Variants in FHIT observed in about 807,000 individuals in gnomAD.
The protein encoded by FHIT is bis(5'-adenosyl)-triphosphatase.
Under a neutral mutation model 17.9 loss-of-function variants are expected in FHIT, and 19 were observed. The ratio of observed to expected loss-of-function variants is 1.06; its 90% CI spans 0.74 to 1.56. The LOEUF is 1.56. FHIT is among the 40% of genes most tolerant of loss of function. The probability of loss-of-function intolerance (pLI) is 0.00; values close to 1 mark genes in which losing one functional copy is unlikely to be tolerated. For missense variants in FHIT, 248 were observed against 189.2 expected (o/e 1.31, Z -1.82); for synonymous variants, 81 against 69.7 (o/e 1.16, Z -0.81).
At chr3:59,983,191 A>T (rs1174954829) in intron 7 of FHIT, among the ~76,000 whole-genome samples, 1 of 152,028 alleles carries the variant, frequency 6.6e-6, no homozygotes, top group Non-Finnish European at 1.5e-5. Flanking sequence ...GGCCCACCTC[A>T]GTCTCCCAAA....
chr3:60,174,866 C>T (rs950961238), intron 5 of FHIT, among the ~76,000 whole-genome samples: 1 of 152,100 alleles, frequency 6.6e-6, no homozygotes, highest in Admixed American at 6.5e-5. Context: ...CTTTCTGTCT[C>T]TATGGATTTA....
intron 8 of FHIT, among the ~76,000 whole-genome samples, chr3:59,828,250 C>A (rs1355232097): frequency 6.6e-6 from 1 of 152,256 alleles, no homozygotes. Context: ...TCATCAGAAA[C>A]AAGAAACAAA....
At chr3:61,114,722 T>C (rs975033508) in intron 2 of FHIT, among the ~76,000 whole-genome samples, 1 of 152,188 alleles carries the variant, frequency 6.6e-6, no homozygotes, top group Non-Finnish European at 1.5e-5. Context: ...AATTTTTTTT[T>C]ACGTGTTCCC....
chr3:60,498,767 G>A (rs2034405446), intron 5 of FHIT, among the ~76,000 whole-genome samples: 2 of 152,010 alleles, frequency 1.3e-5, no homozygotes, highest in Non-Finnish European at 2.9e-5. Context: ...TCTAGGACCT[G>A]TGAAATAAAA....
At chr3:59,796,925 A>C (rs1559614239) in intron 8 of FHIT, among the ~76,000 whole-genome samples, 1 of 152,212 alleles carries the variant, frequency 6.6e-6, no homozygotes, top group African/African-American at 2.4e-5. Flanking sequence ...TCAAACTTTC[A>C]ATGGTACTTC....
intron 4 of FHIT, among the ~76,000 whole-genome samples, chr3:60,650,601 A>G (rs777439527): frequency 2.6e-5 from 4 of 152,208 alleles, no homozygotes; most frequent in Non-Finnish European, 5.9e-5. Flanking sequence ...ATCTAACATA[A>G]TGTACTAGTT....
intron 5 of FHIT, among the ~76,000 whole-genome samples, chr3:60,148,103 A>G (rs1375873014): frequency 1.3e-5 from 2 of 152,204 alleles, no homozygotes; most frequent in South Asian, 4.1e-4. Context: ...CAAAATACTA[A>G]TATTTACTGC....
At chr3:60,007,220 AT>A (rs1473574036) in intron 7 of FHIT, among the ~76,000 whole-genome samples, 5 of 152,308 alleles carry the variant, frequency 3.3e-5, no homozygotes, top group Admixed American at 2.0e-4. Flanking sequence ...CATTTAACTT[AT>A]TAAGCAGCAT....
At chr3:61,151,503 T>C (rs1453817694) in intron 2 of FHIT, among the ~76,000 whole-genome samples, 1 of 152,132 alleles carries the variant, frequency 6.6e-6, no homozygotes, top group Non-Finnish European at 1.5e-5. Context: ...TTTATTCTAG[T>C]ATCCCTCAAA....
chr3:60,371,818 C>T (rs945563930), intron 5 of FHIT, among the ~76,000 whole-genome samples: 5 of 146,260 alleles, frequency 3.4e-5, no homozygotes, highest in Non-Finnish European at 7.4e-5. Flanking sequence ...AGAAGTTAAC[C>T]TCATTTTAGC....
intron 4 of FHIT, among the ~76,000 whole-genome samples, chr3:60,580,745 C>T (rs1434895787): frequency 6.6e-6 from 1 of 152,020 alleles, no homozygotes; most frequent in Non-Finnish European, 1.5e-5. Flanking sequence ...AAGTTTCTTC[C>T]ATTACAGGTT....
intron 5 of FHIT, among the ~76,000 whole-genome samples, chr3:60,453,566 T>C (rs1168618969): frequency 1.3e-5 from 2 of 152,160 alleles, no homozygotes; most frequent in African/African-American, 2.4e-5. Context: ...AAGGCAGCTA[T>C]GGGTCATGTC....
intron 5 of FHIT, among the ~76,000 whole-genome samples, chr3:60,191,276 T>A (rs773834563): frequency 3.3e-5 from 5 of 152,146 alleles, no homozygotes; most frequent in Non-Finnish European, 5.9e-5. Context: ...TAAACACATG[T>A]TTTATTAAAA....
intron 8 of FHIT, among the ~76,000 whole-genome samples, chr3:59,893,173 A>C (rs980558241): frequency 5.3e-5 from 8 of 152,226 alleles, no homozygotes; most frequent in African/African-American, 1.7e-4. Context: ...TTTGATGCTT[A>C]TAGGACATCC....
intron 8 of FHIT, among the ~76,000 whole-genome samples, chr3:59,827,125 C>T (rs546191352): frequency 1.3e-5 from 2 of 152,192 alleles, no homozygotes; most frequent in Non-Finnish European, 2.9e-5. Context: ...CATTTTATAG[C>T]ACAAATGGTA....
chr3:61,174,838 A>G (rs1021987734), intron 2 of FHIT, among the ~76,000 whole-genome samples: 1 of 152,212 alleles, frequency 6.6e-6, no homozygotes, highest in Non-Finnish European at 1.5e-5. Context: ...CATACTTGCA[A>G]TGGGATACTT....
At chr3:61,032,991 T>C (rs367937259) in intron 3 of FHIT, among the ~76,000 whole-genome samples, 73 of 152,340 alleles carry the variant, frequency 4.8e-4, no homozygotes, top group African/African-American at 1.7e-3. Context: ...CAGAAGAAGA[T>C]GGATATACCT....
At chr3:60,333,881 T>A (rs571100845) in intron 5 of FHIT, among the ~76,000 whole-genome samples, 1 of 152,202 alleles carries the variant, frequency 6.6e-6, no homozygotes, top group Non-Finnish European at 1.5e-5. Context: ...CCCTCACCCA[T>A]CATGATTGCC....
intron 7 of FHIT, among the ~76,000 whole-genome samples, chr3:59,984,444 G>A (rs7629854): frequency 0.017 from 2,569 of 152,092 alleles, 63 homozygotes; most frequent in African/African-American, 0.055. Context: ...CTGAGTTTTC[G>A]CACTTACGAC....
Sources: gnomAD v4.1 joint callset for allele counts (sites outside exome capture counted in the v4.1 genomes callset) on GRCh38, gnomAD v4.1.1 for gene constraint, MANE v1.5 for transcripts, NCBI Gene and HGNC (gene_info 2026-07-23, HGNC 2026-07-21) for gene names.